The following SLC30A9 variants were observed in gnomAD, a reference collection of about 807,000 sequenced individuals.
SLC30A9 encodes solute carrier family 30 member 9, also known as proton-coupled zinc antiporter SLC30A9, mitochondrial.
Under a neutral mutation model 87.5 loss-of-function variants are expected in SLC30A9, and 58 were observed. The ratio of observed to expected loss-of-function variants is 0.66; its 90% CI spans 0.54 to 0.82. SLC30A9 has a LOEUF of 0.82. SLC30A9 is among the 40% of genes least tolerant of loss of function. The pLI is 0.00. For synonymous variants in SLC30A9, 234 were observed against 233.0 expected (o/e 1.00, Z -0.04); for missense variants, 557 against 679.1 (o/e 0.82, Z 2.00).
In SLC30A9 at chr4:42,022,321, G is replaced by T. The variant is rs187601192; in HGVS notation, c.435-517G>T. Among the ~76,000 whole-genome samples the T allele has an allele frequency of 3.7e-4, 54 of 144,058 alleles. 1 individual carries two copies. In the Admixed American group the frequency reaches 4.1e-3, roughly 11 times the overall value. The allele number at this position is 144,058 out of a possible 152,430, so 94.5% of individuals were successfully genotyped here. A position where few individuals can be genotyped will look rare whatever the true frequency, so the allele number is the denominator to read the frequency against. ...TGGCTCACTGTAACCTCTGCCTCCC[G>T]GGTTCAAGTGATTCTTCTGCCTCAG... On this transcript the variant is annotated intron_variant, in intron 4 of 17. Coordinates refer to ENST00000264451, the MANE Select transcript of SLC30A9 (RefSeq NM_006345.4).
chr4:42,068,020 A>C (rs1290396626), intron 14 of SLC30A9, among the ~76,000 whole-genome samples: 1 of 152,146 alleles, frequency 6.6e-6, no homozygotes, highest in Non-Finnish European at 1.5e-5. Context: ...TACAATTTTC[A>C]CTTTGCAAAC....
chr4:42,085,561 C>G (rs957595522), intron 17 of SLC30A9, among the ~76,000 whole-genome samples: 1 of 152,200 alleles, frequency 6.6e-6, no homozygotes, highest in Non-Finnish European at 1.5e-5. Context: ...ATTATTAGCT[C>G]TAATACTTTA....
chr4:42,016,795 G>GTCTATCTA (rs34586662), intron 2 of SLC30A9, among the ~76,000 whole-genome samples: 150 of 151,676 alleles, frequency 9.9e-4, no homozygotes, highest in African/African-American at 3.5e-3. Flanking sequence ...ATATAACATG[G>GTCTATCTA]TCTATCTATC....
At chr4:42,019,669 G>A (rs1715863403) in intron 3 of SLC30A9, among the ~76,000 whole-genome samples, 1 of 151,708 alleles carries the variant, frequency 6.6e-6, no homozygotes. Context: ...ATGAAACAAA[G>A]GTTTTCACAA....
rs150541768 is a variant in SLC30A9 at position 42,081,941 on chromosome 4, C to T, written c.1662+3616C>T. The stretch of plus-strand genomic sequence containing the variant: ...TAAGATAATAAAGCATGGCCGGGCG[C>T]GTGCGGTTGCTCATGCCTGTAATCC... On this transcript the variant is annotated intron_variant, in intron 17 of 17. Coordinates refer to ENST00000264451, the MANE Select transcript of SLC30A9 (RefSeq NM_006345.4). 4.3e-3 allele frequency among the ~76,000 whole-genome samples: 648 copies of T among 152,128 alleles called. 1 individual carries two copies. The highest frequency in any genetic ancestry group is 0.015 in the African/African-American group (612 of 41,524).
At chr4:42,027,470 T>TC (rs1716243870) in intron 6 of SLC30A9, among the ~76,000 whole-genome samples, 1 of 151,852 alleles carries the variant, frequency 6.6e-6, no homozygotes, top group Non-Finnish European at 1.5e-5. Context: ...ATGACCTTTT[T>TC]TTTTTTTAGT....
rs543994871 is a variant in SLC30A9 at position 42,066,632 on chromosome 4, T to G, written c.1144+11T>G. The G allele has an allele frequency of 3.8e-5, 61 of 1,589,388 alleles. No individual in the cohort carries two copies. The highest frequency in any genetic ancestry group is 5.2e-5 in the Non-Finnish European group (60 of 1,161,404). On this transcript the variant is annotated intron_variant, in intron 13 of 17. Transcript: ENST00000264451. ...CATTTTACAAGTATGGTATGTATTT[T>G]AGAAACCAAGTGTTTGTTTCACCTC... is the stretch of plus-strand genomic sequence containing the variant.
At chr4:42,050,028 C>A (rs564641650) in intron 9 of SLC30A9, among the ~76,000 whole-genome samples, 1 of 152,112 alleles carries the variant, frequency 6.6e-6, no homozygotes, top group Admixed American at 6.5e-5. Context: ...TAAGAGGATA[C>A]CTTTTCAATA....
intron 3 of SLC30A9, among the ~76,000 whole-genome samples, chr4:42,018,980 T>C (rs1467675112): frequency 7.0e-5 from 5 of 71,414 alleles, no homozygotes; most frequent in African/African-American, 1.5e-4. Flanking sequence ...GACATGAAAC[T>C]CACGCAAAAA....
chr4:42,062,019 G>A (rs542253763), intron 10 of SLC30A9, among the ~76,000 whole-genome samples: 2 of 151,728 alleles, frequency 1.3e-5, no homozygotes, highest in Non-Finnish European at 2.9e-5. Flanking sequence ...ACGTGGAGAA[G>A]CCCCGTCTCT....
intron 2 of SLC30A9, among the ~76,000 whole-genome samples, chr4:42,002,039 C>T (rs1367233295): frequency 6.6e-6 from 1 of 151,638 alleles, no homozygotes; most frequent in East Asian, 1.9e-4. Context: ...AATAATGTTC[C>T]CTGTTTACTC....
At chr4:42,056,960 A>C (rs1577712851) in intron 9 of SLC30A9, among the ~76,000 whole-genome samples, 1 of 152,210 alleles carries the variant, frequency 6.6e-6, no homozygotes, top group East Asian at 1.9e-4. Flanking sequence ...GGGGCAGTCA[A>C]TTCGTAAAGC....
rs750399680 is a variant in SLC30A9 at position 42,039,015 on chromosome 4, T to C, written c.699T>C (p.Phe233=). ...GCTCCAGAACAGCATCAGTGTTTTT[T>C]AAGGGACCAGGAAAAGTGGTGATGG... ...KPRSRTASVF[F]KGPGKVVMVA... is the part of the protein sequence containing the mutation. The change falls in exon 8 of 18, where the codon TTT becomes TTC. Residue 233 remains phenylalanine, a synonymous_variant. Coordinates refer to ENST00000264451, the MANE Select transcript of SLC30A9 (RefSeq NM_006345.4). The C allele has an allele frequency of 1.5e-5, 24 of 1,613,748 alleles. No individual in the cohort carries two copies. The highest frequency in any genetic ancestry group is 2.0e-5 in the Non-Finnish European group (24 of 1,179,836).
chr4:42,016,370 G>A (rs1196962506), intron 2 of SLC30A9, among the ~76,000 whole-genome samples: 2 of 151,896 alleles, frequency 1.3e-5, no homozygotes, highest in African/African-American at 4.8e-5. Context: ...TCAAACCTTG[G>A]AATTTACTAC....
intron 4 of SLC30A9, among the ~76,000 whole-genome samples, chr4:42,021,977 G>A (rs1369958585): frequency 8.2e-5 from 2 of 24,494 alleles, no homozygotes; most frequent in South Asian, 4.0e-3. Context: ...TGCCCAGGCC[G>A]GACTGCGGAC....
At chr4:42,084,338 G>A (rs575067792) in intron 17 of SLC30A9, among the ~76,000 whole-genome samples, 184 of 152,190 alleles carry the variant, frequency 1.2e-3, no homozygotes, top group African/African-American at 4.2e-3. Context: ...TTTCCTCTAC[G>A]ATAGGTGTAG....
chr4:42,046,299 CTGTT>C (rs1455982147), intron 8 of SLC30A9, among the ~76,000 whole-genome samples: 2 of 152,192 alleles, frequency 1.3e-5, no homozygotes, highest in Non-Finnish European at 2.9e-5. Context: ...CAAGTTGTCT[CTGTT>C]TGCAGATGAC....
At chr4:42,066,436 T>C (rs998931423) in intron 12 of SLC30A9, 114 bp from the exon 13 acceptor site, 2 of 569,332 alleles carry the variant, frequency 3.5e-6, no homozygotes, top group African/African-American at 3.8e-5. Context: ...CTTGTCCTTA[T>C]TGCCAACCCT....
rs1258695988 is a variant in SLC30A9 at position 42,056,364 on chromosome 4, A to C, written c.841-3827A>C. On this transcript the variant is annotated intron_variant, in intron 9 of 17. Transcript: ENST00000264451. Reference sequence around the variant, plus strand: ...TACAAAAAAAAGAGGTTTAATTGTGACTAGGGCAGGCTCACAATCATGGTG... The same window carrying C: ...TACAAAAAAAAGAGGTTTAATTGTGCCTAGGGCAGGCTCACAATCATGGTG... 2.0e-5 allele frequency among the ~76,000 whole-genome samples: 3 copies of C among 152,308 alleles called. No individual in the cohort carries two copies. The East Asian group carries it at 5.8e-4, about 29-fold the overall frequency.
Sources: gnomAD v4.1 joint callset for allele counts (sites outside exome capture counted in the v4.1 genomes callset) on GRCh38, gnomAD v4.1.1 for gene constraint, MANE v1.5 for transcripts, NCBI Gene and HGNC (gene_info 2026-07-23, HGNC 2026-07-21) for gene names.